Variants in COL19A1 observed in about 807,000 individuals in gnomAD.
COL19A1 encodes collagen type XIX alpha 1 chain.
A neutral mutation model predicts 190.2 loss-of-function variants in COL19A1; 159 were observed. That is an observed-to-expected ratio of 0.84 (90% CI 0.73 to 0.95). The LOEUF (loss-of-function observed/expected upper bound fraction) is 0.95. COL19A1 is among the 40% of genes least tolerant of loss of function. COL19A1 has a pLI of 0.00. For synonymous variants in COL19A1, 509 were observed against 458.9 expected, an observed-to-expected ratio of 1.11 and a Z score of -1.39; for missense variants, 1,418 against 1,431.9, an observed-to-expected ratio of 0.99 and a Z score of 0.16.
intron 9 of COL19A1, among the ~76,000 whole-genome samples, chr6:69,955,704 G>A (rs1774381067): frequency 6.6e-6 from 1 of 151,866 alleles, no homozygotes; most frequent in Non-Finnish European, 1.5e-5. Flanking sequence ...AGAGAACAGG[G>A]ACCATAGTAT....
chr6:69,959,871 T>C, intron 9 of COL19A1, 125 bp from the exon 10 acceptor site: 2 of 694,864 alleles, frequency 2.9e-6, no homozygotes, highest in Non-Finnish European at 4.6e-6. Context: ...TCCCTATGCA[T>C]GATAGATATT....
At chr6:70,083,979 CT>C (rs1010711690) in intron 15 of COL19A1, among the ~76,000 whole-genome samples, 2 of 152,038 alleles carry the variant, frequency 1.3e-5, no homozygotes, top group African/African-American at 2.4e-5. Context: ...CTCTTTCAAC[CT>C]TTTTTCCCCC....
chr6:70,028,105 A>T (rs1419315900), intron 12 of COL19A1, among the ~76,000 whole-genome samples: 5 of 152,176 alleles, frequency 3.3e-5, no homozygotes, highest in Non-Finnish European at 7.4e-5. Flanking sequence ...GGGTTCAGTC[A>T]GCTGAAATGA....
intron 14 of COL19A1, among the ~76,000 whole-genome samples, chr6:70,048,209 G>A (rs1780009559): frequency 6.6e-6 from 1 of 152,038 alleles, no homozygotes; most frequent in African/African-American, 2.4e-5. Context: ...ATAAGCAACG[G>A]AGAGAAAATC....
At chr6:69,894,400 C>T (rs1378603815) in intron 2 of COL19A1, among the ~76,000 whole-genome samples, 2 of 152,172 alleles carry the variant, frequency 1.3e-5, no homozygotes, top group African/African-American at 4.8e-5. Flanking sequence ...AGTTTGTAAC[C>T]TTAAAACACT....
chr6:70,204,145 G>A (rs1188819737), intron 49 of COL19A1, among the ~76,000 whole-genome samples: 1 of 152,194 alleles, frequency 6.6e-6, no homozygotes, highest in African/African-American at 2.4e-5. Context: ...GCAGGTGTGA[G>A]CCACTGTGCC....
chr6:69,868,721 A>G (rs946285564), intron 1 of COL19A1, among the ~76,000 whole-genome samples: 25 of 152,222 alleles, frequency 1.6e-4, no homozygotes, highest in Non-Finnish European at 2.5e-4. Flanking sequence ...AATCATTCTC[A>G]TCCTAGAAAA....
At chr6:69,922,488 T>G (rs1173310989) in intron 4 of COL19A1, among the ~76,000 whole-genome samples, 1 of 146,362 alleles carries the variant, frequency 6.8e-6, no homozygotes, top group Non-Finnish European at 1.5e-5. Flanking sequence ...TTTTTTTTTT[T>G]TTTTTTTTTT....
intron 47 of COL19A1, among the ~76,000 whole-genome samples, chr6:70,190,113 G>A (rs966292424): frequency 6.6e-6 from 1 of 152,180 alleles, no homozygotes; most frequent in East Asian, 1.9e-4. Context: ...AGCTTTTAAA[G>A]CAATTACACA....
chr6:69,937,976 C>T, intron 8 of COL19A1, 62 bp from the exon 9 acceptor site: 4 of 1,508,072 alleles, frequency 2.7e-6, no homozygotes, highest in East Asian at 2.3e-5. Context: ...CATTTATAAA[C>T]CATTTGGCTT....
rs3805992 is a variant in COL19A1, at chr6:70,035,375, G to A, written c.1135-529G>A. Among the ~76,000 whole-genome samples the A allele has an allele frequency of 1.3e-3, 205 of 152,262 alleles. 2 individuals are homozygous for A. The East Asian group carries it at 0.029, about 22-fold the overall frequency. On this transcript the variant is annotated intron_variant, in intron 13 of 50. Transcript: ENST00000620364. ...CATAGATCAGCAAAGCAATTTTAGC[G>A]TTCAGAAATACATAAATATAGGCAA... is the stretch of plus-strand genomic sequence containing the variant.
chr6:69,892,215 G>A (rs2149961678), intron 2 of COL19A1, among the ~76,000 whole-genome samples: 1 of 152,300 alleles, frequency 6.6e-6, no homozygotes, highest in Non-Finnish European at 1.5e-5. Flanking sequence ...AGGATTTGCA[G>A]GATAATTGCT....
chr6:70,151,291 A>G, intron 30 of COL19A1, 106 bp from the exon 31 acceptor site: 2 of 1,042,882 alleles, frequency 1.9e-6, no homozygotes, highest in Non-Finnish European at 2.9e-6. Context: ...AGACACCAGA[A>G]GCTTCATGGC....
At chr6:70,028,032 C>T (rs1036984841) in intron 12 of COL19A1, among the ~76,000 whole-genome samples, 2 of 151,962 alleles carry the variant, frequency 1.3e-5, no homozygotes, top group African/African-American at 2.4e-5. Context: ...ATTTGCACCA[C>T]GGAATGATAA....
Position 70,059,621 on chromosome 6 carries a change from T to G in COL19A1, c.1171-8802T>G, listed in dbSNP as rs3793042. On this transcript the variant is annotated intron_variant, in intron 14 of 50. Transcript: ENST00000620364. ...TAAAATGGTTAGCTGGCTTGGACTA[T>G]TTTTTGCTTATTTTTATCTTAGCCA... The G allele has an allele frequency of 1.7e-3, 474 of 273,166 alleles. 9 individuals carry two copies. In the East Asian group the frequency reaches 0.048, roughly 28 times the overall value. 16.9% of individuals were successfully genotyped at this position (273,166 alleles called of 1,614,324 possible).
intron 1 of COL19A1, among the ~76,000 whole-genome samples, chr6:69,869,390 C>T (rs1347988108): frequency 5.3e-5 from 8 of 152,064 alleles, no homozygotes; most frequent in Non-Finnish European, 8.8e-5. Context: ...ATATTAAATT[C>T]GATAGAAATA....
chr6:69,962,890 T>C lies in COL19A1; in HGVS notation c.1026+20T>C. On this transcript the variant is annotated intron_variant, in intron 11 of 50. Transcript: ENST00000620364. ...GAAAAGGTAAATATCTCTTTTTACA[T>C]TCACATCTGTAAAAAGAAATTGTTC... is the stretch of plus-strand genomic sequence containing the variant. 6.3e-7 allele frequency: 1 copy of C among 1,579,894 alleles called. No individual in the cohort carries two copies. The highest frequency in any genetic ancestry group is 8.7e-7 in the Non-Finnish European group (1 of 1,155,318).
chr6:69,993,034 G>A (rs986513974), intron 11 of COL19A1, among the ~76,000 whole-genome samples: 2 of 152,086 alleles, frequency 1.3e-5, no homozygotes, highest in Non-Finnish European at 2.9e-5. Flanking sequence ...TCTTGTTCCA[G>A]TTCTCAAGGA....
At chr6:69,936,711 G>A in intron 7 of COL19A1, 74 bp from the exon 8 acceptor site, 1 of 1,567,470 alleles carries the variant, frequency 6.4e-7, no homozygotes, top group Admixed American at 1.8e-5. Flanking sequence ...CCCTAGTTTA[G>A]TGGGAGCCAG....
Sources: gnomAD v4.1 joint callset for allele counts (sites outside exome capture counted in the v4.1 genomes callset) on GRCh38, gnomAD v4.1.1 for gene constraint, MANE v1.5 for transcripts, NCBI Gene and HGNC (gene_info 2026-07-23, HGNC 2026-07-21) for gene names.